The following RNF141 variants were observed in gnomAD, a reference collection of about 807,000 sequenced individuals.
RNF141 encodes the protein ring finger protein 141.
RNF141 carries 18 observed loss-of-function variants against 27.4 expected under a neutral mutation model. The observed-to-expected ratio is 0.66, with a 90% confidence interval of 0.45 to 0.97. The LOEUF is 0.97. RNF141 is among the 50% of genes least tolerant of loss of function. RNF141 has a pLI of 0.00. For missense variants in RNF141, 230 were observed against 279.4 expected, an observed-to-expected ratio of 0.82 and a Z score of 1.26; for synonymous variants, 97 against 96.6, an observed-to-expected ratio of 1.00 and a Z score of -0.02.
intron 3 of RNF141, among the ~76,000 whole-genome samples, chr11:10,525,814 C>T (rs1354731827): frequency 6.6e-6 from 1 of 152,072 alleles, no homozygotes; most frequent in Non-Finnish European, 1.5e-5. Context: ...CTATTTTGTA[C>T]CAAAACTTCT....
At position 10,514,829 on chromosome 11, in the gene RNF141, G is replaced by A. The variant is rs1591495310; in HGVS notation, c.*87C>T. 5.5e-6 allele frequency: 7 copies of A among 1,276,510 alleles called. No homozygotes were observed. Among genetic ancestry groups the A allele is most frequent in the Non-Finnish European group, 7.5e-6 (7 of 937,050 alleles). 79.1% of individuals were successfully genotyped at this position (1,276,510 alleles called of 1,614,324 possible). On this transcript the variant is annotated 3_prime_UTR_variant, in exon 6 of 6. Transcript: ENST00000265981. The stretch of plus-strand genomic sequence containing the variant: ...GAGTGGGGAAAATGGATTTTCCTGT[G>A]TCTGTGCCAGTGCCACAACCCTACA...
At chr11:10,519,175 TTC>T (rs1317534781) in intron 4 of RNF141, 34 bp from the exon 5 acceptor site, 3 of 1,553,988 alleles carry the variant, frequency 1.9e-6, no homozygotes, top group African/African-American at 1.4e-5. Flanking sequence ...AACAATTATA[TTC>T]TCTGTCATTA....
rs560058069 is a variant in RNF141, at chr11:10,512,708, T to G, written c.*2208A>C. The G allele has an allele frequency of 6.6e-6, 1 of 151,688 alleles. No individual in the cohort carries two copies. The highest frequency in any genetic ancestry group is 2.4e-5 in the African/African-American group (1 of 41,436). 9.4% of individuals were successfully genotyped at this position (151,688 alleles called of 1,614,324 possible). A position where few individuals can be genotyped will look rare whatever the true frequency, so the allele number is the denominator to read the frequency against. ...TTTCAAAATATGTTCCATGGAATAC[T>G]AAGAATCTATGGAGGAGATACAGGG... On this transcript the variant is annotated 3_prime_UTR_variant, in exon 6 of 6. Coordinates refer to ENST00000265981, the MANE Select transcript of RNF141 (RefSeq NM_016422.4).
intron 1 of RNF141, among the ~76,000 whole-genome samples, chr11:10,538,990 T>C (rs1850061437): frequency 6.6e-6 from 1 of 152,232 alleles, no homozygotes. Flanking sequence ...CTCATATTAT[T>C]GTGCCACCTA....
At chr11:10,525,893 C>A (rs983190669) in intron 3 of RNF141, among the ~76,000 whole-genome samples, 1 of 152,064 alleles carries the variant, frequency 6.6e-6, no homozygotes, top group African/African-American at 2.4e-5. Context: ...CCCAGAAGGC[C>A]ATTTTGAGCT....
intron 4 of RNF141, among the ~76,000 whole-genome samples, chr11:10,521,567 G>A (rs1412000894): frequency 6.6e-6 from 1 of 152,162 alleles, no homozygotes; most frequent in African/African-American, 2.4e-5. Context: ...TTATAGCACT[G>A]TATGTAAGAT....
At chr11:10,532,958 GC>G (rs1850001647) in intron 2 of RNF141, among the ~76,000 whole-genome samples, 1 of 152,148 alleles carries the variant, frequency 6.6e-6, no homozygotes, top group Non-Finnish European at 1.5e-5. Context: ...AATCAACTTG[GC>G]CCTCAGTTAA....
intron 4 of RNF141, among the ~76,000 whole-genome samples, chr11:10,524,238 AC>A (rs1488249218): frequency 1.3e-5 from 2 of 152,060 alleles, no homozygotes; most frequent in African/African-American, 4.8e-5. Flanking sequence ...ACACGGTGAA[AC>A]CCCGTCTCTA....
chr11:10,536,299 C>G (rs10840435), intron 1 of RNF141, among the ~76,000 whole-genome samples: 56,036 of 151,788 alleles, frequency 0.37, 11,157 homozygotes, highest in East Asian at 0.67. Flanking sequence ...CAGGAAGCAG[C>G]ACGGTGACTT....
chr11:10,516,413 C>T (rs1014094025), intron 5 of RNF141: 1 of 152,202 alleles, frequency 6.6e-6, no homozygotes, highest in Non-Finnish European at 1.5e-5. Flanking sequence ...AGCTTACAGC[C>T]TCGAGAGTTT....
rs1334042364 is a variant in RNF141, at chr11:10,519,113, ACTC to A, written c.460_462del (p.Glu154del). ...GCCCGCCCATCCATACAGATACAAC[ACTC>A]CTCCTCATCGGTCAGCTGCTTCACC... On this transcript the variant is annotated inframe_deletion, in exon 5 of 6. Coordinates refer to ENST00000265981, the MANE Select transcript of RNF141 (RefSeq NM_016422.4). The A allele has an allele frequency of 6.2e-7, 1 of 1,613,632 alleles. No homozygotes were observed. Among genetic ancestry groups the A allele is most frequent in the Non-Finnish European group, 8.5e-7 (1 of 1,179,872 alleles).
chr11:10,534,854 T>C (rs1262288234), intron 1 of RNF141, among the ~76,000 whole-genome samples: 1 of 152,166 alleles, frequency 6.6e-6, no homozygotes, highest in African/African-American at 2.4e-5. Flanking sequence ...ACTTTATTTA[T>C]AGATGTGTAC....
intron 5 of RNF141, 137 bp from the exon 6 acceptor site, chr11:10,515,203 C>T: frequency 2.2e-6 from 2 of 923,970 alleles, no homozygotes; most frequent in Non-Finnish European, 3.1e-6. Flanking sequence ...TCCCTCCCTC[C>T]TATCTCAATC....
intron 1 of RNF141, among the ~76,000 whole-genome samples, chr11:10,537,022 C>G (rs991143549): frequency 6.6e-6 from 1 of 152,076 alleles, no homozygotes; most frequent in Non-Finnish European, 1.5e-5. Flanking sequence ...AGTTTGGTAA[C>G]AATGAAGCAA....
intron 4 of RNF141, among the ~76,000 whole-genome samples, chr11:10,520,446 G>A (rs1023053491): frequency 9.2e-5 from 14 of 151,950 alleles, no homozygotes; most frequent in Admixed American, 6.6e-4. Context: ...ACTGTCTTCC[G>A]CCTCCACCTC....
chr11:10,522,435 A>G (rs1009288452), intron 4 of RNF141, among the ~76,000 whole-genome samples: 2 of 152,176 alleles, frequency 1.3e-5, no homozygotes, highest in African/African-American at 2.4e-5. Flanking sequence ...AAGGAAGGAG[A>G]GTCTTGTGCT....
chr11:10,532,196 C>T (rs1481651402), intron 2 of RNF141, among the ~76,000 whole-genome samples: 1 of 152,074 alleles, frequency 6.6e-6, no homozygotes. Flanking sequence ...TCATTGATTA[C>T]TGCTCATAAG....
intron 1 of RNF141, among the ~76,000 whole-genome samples, chr11:10,537,927 A>G (rs1850052230): frequency 6.6e-6 from 1 of 152,230 alleles, no homozygotes; most frequent in African/African-American, 2.4e-5. Flanking sequence ...TCCAGCCTTC[A>G]GGAAGAATTA....
intron 3 of RNF141, among the ~76,000 whole-genome samples, chr11:10,528,842 A>C (rs1195365544): frequency 6.6e-6 from 1 of 152,190 alleles, no homozygotes; most frequent in African/African-American, 2.4e-5. Context: ...ATCTAGACAT[A>C]GTTCCTGCCC....
Sources: allele counts gnomAD v4.1 joint callset (sites outside exome capture counted in the v4.1 genomes callset), GRCh38; gene constraint gnomAD v4.1.1; transcripts MANE v1.5; gene names NCBI Gene and HGNC (gene_info 2026-07-23, HGNC 2026-07-21).